Variants in PLPPR1 observed in about 807,000 individuals in gnomAD.
PLPPR1 encodes the protein phospholipid phosphatase-related protein type 1.
PLPPR1 carries 10 observed loss-of-function variants against 33.1 expected under a neutral mutation model. The observed-to-expected ratio is 0.30, with a 90% CI of 0.19 to 0.51. PLPPR1 has a LOEUF of 0.51. Ranked by LOEUF, PLPPR1 falls within the 20% of genes least tolerant of loss-of-function variation. The pLI, the probability that PLPPR1 is intolerant of heterozygous loss-of-function variation, is 0.97. For missense variants in PLPPR1, 304 were observed against 408.1 expected, an observed-to-expected ratio of 0.74 and a Z score of 2.20; for synonymous variants, 151 against 151.0, an observed-to-expected ratio of 1.00 and a Z score of 0.00.
chr9:101,229,220 A>G (rs1473494069), intron 2 of PLPPR1, among the ~76,000 whole-genome samples: 1 of 152,140 alleles, frequency 6.6e-6, no homozygotes, highest in African/African-American at 2.4e-5. Context: ...CATTCAGTAA[A>G]AAGAAAAACA....
chr9:101,127,163 G>A (rs10989411), intron 1 of PLPPR1, among the ~76,000 whole-genome samples: 9,534 of 148,650 alleles, frequency 0.064, 468 homozygotes, highest in Admixed American at 0.16. Context: ...CAACTTTCCC[G>A]CTGAGCTTCT....
intron 2 of PLPPR1, among the ~76,000 whole-genome samples, chr9:101,255,209 G>A (rs1329170809): frequency 6.6e-6 from 1 of 152,140 alleles, no homozygotes; most frequent in South Asian, 2.1e-4. Context: ...GATGATGAAA[G>A]AGAAGGGAGT....
chr9:101,202,761 A>C (rs186433106), intron 2 of PLPPR1, among the ~76,000 whole-genome samples: 187 of 152,294 alleles, frequency 1.2e-3, no homozygotes, highest in African/African-American at 4.1e-3. Context: ...CTCCCAGCTG[A>C]GGGGCAAGAA....
chr9:101,036,722 G>C (rs747814650), intron 1 of PLPPR1, among the ~76,000 whole-genome samples: 1 of 124,174 alleles, frequency 8.1e-6, no homozygotes. Flanking sequence ...AAAAAAAAAA[G>C]AAGAGGAAGA....
intron 1 of PLPPR1, among the ~76,000 whole-genome samples, chr9:101,172,745 CTCTA>C (rs1279505151): frequency 6.6e-6 from 1 of 152,098 alleles, no homozygotes; most frequent in Non-Finnish European, 1.5e-5. Context: ...ACATTCCCAG[CTCTA>C]TCTACCCAAC....
In PLPPR1 at chr9:101,324,235, T is replaced by G. The variant is rs1829209463; in HGVS notation, c.*178T>G. The stretch of plus-strand genomic sequence containing the variant: ...TGTAGCTTGCCCTGATTTTTTTTTT[T>G]TTTTTTTGGTCAGCTTTAATATATT... On this transcript the variant is annotated 3_prime_UTR_variant, in exon 8 of 8. Coordinates refer to ENST00000374874, the MANE Select transcript of PLPPR1 (RefSeq NM_207299.2). 2 of 482,314 alleles carry G rather than the reference T, an allele frequency of 4.1e-6. No individual in the cohort carries two copies. Among genetic ancestry groups the G allele is most frequent in the South Asian group, 4.7e-5 (1 of 21,334 alleles). The allele number at this position is 482,314 out of a possible 1,614,324, so 29.9% of individuals were successfully genotyped here.
chr9:101,176,051 G>A (rs1244124175), intron 1 of PLPPR1, among the ~76,000 whole-genome samples: 1 of 152,208 alleles, frequency 6.6e-6, no homozygotes, highest in Non-Finnish European at 1.5e-5. Flanking sequence ...TATTGGAGAA[G>A]CTGGCAACCA....
chr9:101,179,286 A>G (rs1435188393), intron 1 of PLPPR1, among the ~76,000 whole-genome samples: 1 of 152,114 alleles, frequency 6.6e-6, no homozygotes, highest in Non-Finnish European at 1.5e-5. Context: ...TCACACCATC[A>G]GGAAAAAAAG....
chr9:101,292,435 A>C (rs1363524536), intron 4 of PLPPR1, among the ~76,000 whole-genome samples: 2 of 152,208 alleles, frequency 1.3e-5, no homozygotes, highest in African/African-American at 2.4e-5. Context: ...CAGGAAATAC[A>C]GAGAATGCCA....
intron 1 of PLPPR1, among the ~76,000 whole-genome samples, chr9:101,154,535 T>A (rs1000603549): frequency 1.3e-5 from 2 of 152,160 alleles, no homozygotes; most frequent in African/African-American, 4.8e-5. Flanking sequence ...AGTCTGTATT[T>A]CTGTGGGATC....
intron 2 of PLPPR1, among the ~76,000 whole-genome samples, chr9:101,193,000 G>T (rs1250294618): frequency 6.6e-6 from 1 of 152,108 alleles, no homozygotes; most frequent in Non-Finnish European, 1.5e-5. Flanking sequence ...ATGAGCTATG[G>T]TTTCCAGCAC....
chr9:101,195,316 A>G (rs1191972304), intron 2 of PLPPR1, among the ~76,000 whole-genome samples: 5 of 152,044 alleles, frequency 3.3e-5, no homozygotes, highest in Admixed American at 3.3e-4. Context: ...GAGATTCTTT[A>G]TAGCCTAAAT....
Position 101,044,149 on chromosome 9 carries a change from A to G in PLPPR1, c.-46+15047A>G, listed in dbSNP as rs1049873587. Among the ~76,000 whole-genome samples the G allele has an allele frequency of 3.3e-5, 5 of 152,240 alleles. No individual in the cohort carries two copies. In the East Asian group the frequency reaches 9.6e-4, roughly 29 times the overall value. Reference sequence around the variant, plus strand: ...GACTAATATCCAGAATCTACAAGGAACGCAAACAAATTAGCAAGAAAAACA... The same window carrying G: ...GACTAATATCCAGAATCTACAAGGAGCGCAAACAAATTAGCAAGAAAAACA... On this transcript the variant is annotated intron_variant, in intron 1 of 7. Transcript: ENST00000374874.
chr9:101,239,439 C>A (rs929825028), intron 2 of PLPPR1, among the ~76,000 whole-genome samples: 12 of 151,864 alleles, frequency 7.9e-5, no homozygotes, highest in South Asian at 2.1e-4. Flanking sequence ...TGGGATAATT[C>A]ATACCCCAAA....
At chr9:101,253,560 G>A (rs1221136926) in intron 2 of PLPPR1, among the ~76,000 whole-genome samples, 2 of 151,986 alleles carry the variant, frequency 1.3e-5, no homozygotes, top group Admixed American at 6.5e-5. Flanking sequence ...AAAAAAAAAT[G>A]CATTAGCATG....
chr9:101,245,400 T>A (rs1387688173), intron 2 of PLPPR1, among the ~76,000 whole-genome samples: 2 of 151,992 alleles, frequency 1.3e-5, no homozygotes, highest in Admixed American at 6.6e-5. Context: ...CAATGTTCAA[T>A]GAAATGATAA....
chr9:101,114,786 A>G (rs3983746), intron 1 of PLPPR1, among the ~76,000 whole-genome samples: 38,592 of 152,122 alleles, frequency 0.25, 5,224 homozygotes, highest in African/African-American at 0.35. Context: ...TCCCAATTTA[A>G]TGAAGACCTG....
intron 2 of PLPPR1, among the ~76,000 whole-genome samples, chr9:101,253,401 G>A (rs1827745261): frequency 6.6e-6 from 1 of 151,950 alleles, no homozygotes; most frequent in African/African-American, 2.4e-5. Flanking sequence ...TACAAAATGA[G>A]CTGGGTGTGA....
intron 2 of PLPPR1, among the ~76,000 whole-genome samples, chr9:101,235,420 T>C (rs537481652): frequency 6.6e-6 from 1 of 151,942 alleles, no homozygotes; most frequent in South Asian, 2.1e-4. Flanking sequence ...ATTCCTGAGA[T>C]TGGAAGTGCT....
Sources: allele counts gnomAD v4.1 joint callset (sites outside exome capture counted in the v4.1 genomes callset), GRCh38; gene constraint gnomAD v4.1.1; transcripts MANE v1.5; gene names NCBI Gene and HGNC (gene_info 2026-07-23, HGNC 2026-07-21).